The following CD70 variants were observed in gnomAD, a reference collection of about 807,000 sequenced individuals.
CD70 encodes CD70 antigen.
A neutral mutation model predicts 9.0 loss-of-function variants in CD70; 6 were observed. That is an observed-to-expected ratio of 0.67 (90% CI 0.37 to 1.32). CD70 has a LOEUF of 1.32. Among genes scored for constraint, CD70 ranks in the 40% most tolerant of loss-of-function variants. The pLI is 0.02. For synonymous variants in CD70, 108 were observed against 112.3 expected (o/e 0.96, Z 0.24); for missense variants, 235 against 258.7 (o/e 0.91, Z 0.63).
At chr19:6,588,910 C>T (rs1308666122) in intron 2 of CD70, among the ~76,000 whole-genome samples, 2 of 152,198 alleles carry the variant, frequency 1.3e-5, no homozygotes, top group Non-Finnish European at 2.9e-5. Flanking sequence ...GGAACAGTGC[C>T]TGCCCACTGC....
chr19:6,582,326 G>A (rs1915933452), downstream of CD70, among the ~76,000 whole-genome samples: 1 of 148,732 alleles, frequency 6.7e-6, no homozygotes, highest in Non-Finnish European at 1.5e-5. Flanking sequence ...ATGAGCCACT[G>A]TGCCTGGCCA....
At chr19:6,588,545 C>G (rs1324651575) in intron 2 of CD70, among the ~76,000 whole-genome samples, 1 of 152,146 alleles carries the variant, frequency 6.6e-6, no homozygotes, top group Non-Finnish European at 1.5e-5. Flanking sequence ...AAGAAGCGTT[C>G]GAGAGAGGCT....
intron 2 of CD70, among the ~76,000 whole-genome samples, chr19:6,589,182 C>T (rs1477324144): frequency 6.7e-6 from 1 of 148,494 alleles, no homozygotes; most frequent in Non-Finnish European, 1.5e-5. Flanking sequence ...TGTTTTTCTT[C>T]TTCCCCCTCT....
At chr19:6,583,553 C>CT (rs72193958), downstream of CD70, 2,846 of 401,142 alleles carry the variant, frequency 7.1e-3, 2 homozygotes, top group Non-Finnish European at 7.7e-3. Context: ...TAATTGTAGT[C>CT]TTTTTTTTTT....
At chr19:6,585,833 C>T (rs1263588121), downstream of CD70, 1 of 552,222 alleles carries the variant, frequency 1.8e-6, no homozygotes, top group Non-Finnish European at 3.2e-6. Context: ...CGCCACGAAG[C>T]CCAGCTGATT....
At chr19:6,587,926 A>G (rs1048859594) in intron 2 of CD70, among the ~76,000 whole-genome samples, 1 of 152,032 alleles carries the variant, frequency 6.6e-6, no homozygotes, top group African/African-American at 2.4e-5. Context: ...CCCAAGAAAC[A>G]TAGTCTAGAA....
Position 6,590,855 on chromosome 19 carries a change from G to A in CD70, c.148C>T (p.Leu50Phe). Residue 50 changes from leucine to phenylalanine, a missense_variant, in exon 1 of 3, where the codon CTC (leucine) becomes TTC (phenylalanine). Coordinates refer to ENST00000245903, the MANE Select transcript of CD70 (RefSeq NM_001252.5). The surrounding 1 kb of genome is among the most constrained non-coding windows in gnomAD (Gnocchi z 5.3). ...TCTCAACTCACCCCAAGTGACTCGA[G>A]CGGCAGCTGCTGCTGAGCCTGTGCG... is the stretch of plus-strand genomic sequence containing the variant. ...RFAQAQQQLP[L>F]ESLGWDVAEL... The A allele has an allele frequency of 2.5e-6, 4 of 1,612,942 alleles. No individual in the cohort carries two copies. Among genetic ancestry groups the A allele is most frequent in the Non-Finnish European group, 3.4e-6 (4 of 1,179,642 alleles).
chr19:6,583,570 T>A (rs1459391313), downstream of CD70: 1 of 402,876 alleles, frequency 2.5e-6, no homozygotes, highest in Non-Finnish European at 4.3e-6. Flanking sequence ...TTTTTTTTTT[T>A]TTTTTTTAAA....
chr19:6,583,349 T>C, downstream of CD70: 1 of 701,654 alleles, frequency 1.4e-6, no homozygotes, highest in South Asian at 1.5e-5. Context: ...GGAACAATGA[T>C]GATTCCTCCA....
chr19:6,587,279 C>T (rs934329825), intron 2 of CD70, among the ~76,000 whole-genome samples: 7 of 138,552 alleles, frequency 5.1e-5, no homozygotes, highest in African/African-American at 1.7e-4. Context: ...AGAGAGAGCA[C>T]GAGAGAGCAG....
downstream of CD70, among the ~76,000 whole-genome samples, chr19:6,583,681 C>G (rs1915961509): frequency 6.6e-6 from 1 of 151,486 alleles, no homozygotes; most frequent in Admixed American, 6.6e-5. Flanking sequence ...GTCTCAGCCT[C>G]CCTAGTAGCA....
At chr19:6,583,409 T>C, downstream of CD70, 1 of 700,462 alleles carries the variant, frequency 1.4e-6, no homozygotes, top group Non-Finnish European at 2.6e-6. Context: ...GATAAAACAG[T>C]GTGCAGTCCA....
rs1478106216 is a variant in CD70, at chr19:6,586,394, C to T, written c.208G>A (p.Asp70Asn). The T allele has an allele frequency of 1.9e-6, 3 of 1,608,266 alleles. No homozygotes were observed. The highest frequency in any genetic ancestry group is 2.7e-5 in the African/African-American group (2 of 74,770). Residue 70 changes from aspartate to asparagine, a missense_variant, in exon 3 of 3, where the codon GAC becomes AAC. Transcript: ENST00000245903. ...LQLNHTGPQQ[D>N]PRLYWQGGPA... ...CCCCCCTGCCAGTATAGCCTGGGGT[C>T]CTGCTGAGGTCCTGGGGGCACAGGG...
At position 6,586,342 on chromosome 19, in the gene CD70, T is replaced by C; in HGVS notation, c.260A>G (p.His87Arg). The change falls in exon 3 of 3, where the codon CAT becomes CGT. Residue 87 changes from histidine to arginine, a missense_variant. Coordinates refer to ENST00000245903, the MANE Select transcript of CD70 (RefSeq NM_001252.5). ...CTGCCCCTTGTCCAGCTCTGGTCCATGCAGGAAGGAGCGGCCCAGTGCTGG... is the reference window on the plus strand; with the variant it reads ...CTGCCCCTTGTCCAGCTCTGGTCCACGCAGGAAGGAGCGGCCCAGTGCTGG... ...GGPALGRSFL[H>R]GPELDKGQLR... The C allele has an allele frequency of 7.4e-6, 12 of 1,613,406 alleles. No homozygotes were observed. Among genetic ancestry groups the C allele is most frequent in the African/African-American group, 1.3e-5 (1 of 75,010 alleles).
At chr19:6,589,283 T>C (rs2145323481) in intron 2 of CD70, among the ~76,000 whole-genome samples, 1 of 151,638 alleles carries the variant, frequency 6.6e-6, no homozygotes, top group Non-Finnish European at 1.5e-5. Context: ...TTTTTTCTCT[T>C]TCTTCTTTCT....
intron 2 of CD70, among the ~76,000 whole-genome samples, chr19:6,586,980 C>CAG (rs757305826): frequency 6.8e-6 from 1 of 147,196 alleles, no homozygotes; most frequent in African/African-American, 2.5e-5. Context: ...AGAGAGAATG[C>CAG]AGAGAGAGAG....
At chr19:6,585,793 G>GCC (rs1199806943), downstream of CD70, 12 of 461,202 alleles carry the variant, frequency 2.6e-5, no homozygotes, top group Non-Finnish European at 4.6e-5. Flanking sequence ...TCCTGCCTCA[G>GCC]TCGGCCGAGT....
downstream of CD70, chr19:6,583,417 C>T (rs1443416355): frequency 2.9e-6 from 2 of 697,442 alleles, no homozygotes; most frequent in Admixed American, 2.0e-5. Flanking sequence ...AGTGTGCAGT[C>T]CATATTAAAT....
At position 6,586,422 on chromosome 19, in the gene CD70, A is replaced by G. The variant is rs1479681896; in HGVS notation, c.197-17T>C. The G allele has an allele frequency of 2.5e-6, 4 of 1,582,524 alleles. No individual in the cohort carries two copies. Among genetic ancestry groups the G allele is most frequent in the Non-Finnish European group, 3.4e-6 (4 of 1,164,846 alleles). On this transcript the variant is annotated splice_polypyrimidine_tract_variant and intron_variant, in intron 2 of 2. Coordinates refer to ENST00000245903, the MANE Select transcript of CD70 (RefSeq NM_001252.5). ...GCTGAGGTCCTGGGGGCACAGGGTT[A>G]GAGGGATGAGAGGATGGAGGTTTAG...
Sources: gnomAD v4.1 joint callset for allele counts (sites outside exome capture counted in the v4.1 genomes callset) on GRCh38, gnomAD v4.1.1 for gene constraint, Gnocchi (gnomAD v3.1) non-coding constraint, MANE v1.5 for transcripts, NCBI Gene and HGNC (gene_info 2026-07-23, HGNC 2026-07-21) for gene names.